The following PLA2G4A variants were observed in gnomAD, a reference collection of about 807,000 sequenced individuals.
PLA2G4A encodes the protein cytosolic phospholipase A2.
A neutral mutation model predicts 81.9 loss-of-function variants in PLA2G4A; 40 were observed. The ratio of observed to expected loss-of-function variants is 0.49; its 90% CI spans 0.38 to 0.64. The LOEUF (loss-of-function observed/expected upper bound fraction) is 0.64. PLA2G4A is among the 30% of genes least tolerant of loss of function. The pLI is 0.00. For missense variants in PLA2G4A, 715 were observed against 905.1 expected (o/e 0.79, Z 2.69); for synonymous variants, 302 against 296.9 (o/e 1.02, Z -0.18).
chr1:186,951,071 C>T (rs889168258), intron 13 of PLA2G4A, among the ~76,000 whole-genome samples: 46 of 152,148 alleles, frequency 3.0e-4, no homozygotes, highest in African/African-American at 1.0e-3. Flanking sequence ...TTTTAGATGG[C>T]TTTAAAAATT....
chr1:186,832,127 T>C (rs540305003), intron 1 of PLA2G4A, among the ~76,000 whole-genome samples: 1 of 152,120 alleles, frequency 6.6e-6, no homozygotes, highest in South Asian at 2.1e-4. Context: ...TATATCTTGT[T>C]GGATATTTAG....
intron 2 of PLA2G4A, among the ~76,000 whole-genome samples, chr1:186,863,891 G>C (rs1009661644): frequency 1.3e-5 from 2 of 151,836 alleles, no homozygotes; most frequent in African/African-American, 4.8e-5. Flanking sequence ...CTCCTGAGAA[G>C]CTGGGATTAC....
intron 7 of PLA2G4A, among the ~76,000 whole-genome samples, chr1:186,920,056 G>A (rs905364427): frequency 6.6e-6 from 1 of 152,186 alleles, no homozygotes; most frequent in South Asian, 2.1e-4. Context: ...TTGGTTGACC[G>A]CCAGTCCCGG....
intron 3 of PLA2G4A, among the ~76,000 whole-genome samples, chr1:186,887,232 C>T (rs562355117): frequency 9.2e-5 from 14 of 151,942 alleles, no homozygotes; most frequent in African/African-American, 3.4e-4. Flanking sequence ...TACTTGTAAT[C>T]TGTTTTTCAA....
chr1:186,837,376 A>G (rs1651814154), intron 1 of PLA2G4A, among the ~76,000 whole-genome samples: 1 of 152,072 alleles, frequency 6.6e-6, no homozygotes, highest in African/African-American at 2.4e-5. Context: ...TAGCAGGGAA[A>G]AGGAATATGG....
chr1:186,930,371 T>C (rs10911959), intron 7 of PLA2G4A, among the ~76,000 whole-genome samples: 46,422 of 152,038 alleles, frequency 0.31, 9,631 homozygotes, highest in African/African-American at 0.58. Flanking sequence ...ATATGAATTC[T>C]AGTTTAATAG....
chr1:186,956,698 G>A (rs538321942), intron 14 of PLA2G4A, among the ~76,000 whole-genome samples: 181 of 152,122 alleles, frequency 1.2e-3, no homozygotes, highest in Non-Finnish European at 1.8e-3. Context: ...AGTTTTTGTA[G>A]AGACAGGTTT....
chr1:186,858,918 C>CGTGTGT (rs142558787), intron 2 of PLA2G4A, among the ~76,000 whole-genome samples: 24 of 147,776 alleles, frequency 1.6e-4, no homozygotes, highest in Non-Finnish European at 1.1e-4. Context: ...TGGGTGTGTG[C>CGTGTGT]GTGTGTGTGT....
At chr1:186,860,753 T>G (rs556765888) in intron 2 of PLA2G4A, among the ~76,000 whole-genome samples, 1 of 152,298 alleles carries the variant, frequency 6.6e-6, no homozygotes, top group Admixed American at 6.5e-5. Flanking sequence ...TAATTCAAAG[T>G]AATGTCCATG....
intron 1 of PLA2G4A, among the ~76,000 whole-genome samples, chr1:186,836,961 C>T (rs982245552): frequency 6.6e-6 from 1 of 152,074 alleles, no homozygotes; most frequent in African/African-American, 2.4e-5. Flanking sequence ...AAGCCATCTA[C>T]GGGAGGCGGT....
intron 16 of PLA2G4A, among the ~76,000 whole-genome samples, chr1:186,978,214 A>C (rs1181816850): frequency 6.6e-6 from 1 of 152,188 alleles, no homozygotes; most frequent in Non-Finnish European, 1.5e-5. Context: ...TCAGTTTGCC[A>C]TGTTGTATTT....
At chr1:186,982,065 G>A (rs996493928) in intron 17 of PLA2G4A, among the ~76,000 whole-genome samples, 3 of 152,210 alleles carry the variant, frequency 2.0e-5, no homozygotes, top group Non-Finnish European at 4.4e-5. Context: ...CAGATAGACT[G>A]TAGATCTGAG....
intron 2 of PLA2G4A, among the ~76,000 whole-genome samples, chr1:186,867,267 G>A (rs1274830965): frequency 2.0e-5 from 3 of 151,986 alleles, no homozygotes. Flanking sequence ...TTGGGTCTTT[G>A]TTGAATCTAT....
intron 2 of PLA2G4A, among the ~76,000 whole-genome samples, chr1:186,866,642 A>G (rs971161190): frequency 2.0e-5 from 3 of 152,166 alleles, no homozygotes; most frequent in African/African-American, 7.2e-5. Context: ...TCAAAAATCA[A>G]ATATTAAATA....
intron 2 of PLA2G4A, among the ~76,000 whole-genome samples, chr1:186,862,221 A>T (rs1350392833): frequency 3.7e-5 from 1 of 26,836 alleles, no homozygotes. Flanking sequence ...TTTAGTTATG[A>T]ACTTTTTTTT....
chr1:186,928,910 C>T (rs900221295), intron 7 of PLA2G4A, among the ~76,000 whole-genome samples: 2 of 152,096 alleles, frequency 1.3e-5, no homozygotes, highest in Non-Finnish European at 2.9e-5. Context: ...AAATATAACC[C>T]CAGACCTTCT....
chr1:186,957,295 TC>T (rs1656786711), intron 14 of PLA2G4A, among the ~76,000 whole-genome samples: 1 of 151,978 alleles, frequency 6.6e-6, no homozygotes, highest in South Asian at 2.1e-4. Flanking sequence ...ATAAAATCGT[TC>T]CAAACTTTCA....
At chr1:186,861,878 C>T (rs989215461) in intron 2 of PLA2G4A, among the ~76,000 whole-genome samples, 1 of 151,888 alleles carries the variant, frequency 6.6e-6, no homozygotes, top group Non-Finnish European at 1.5e-5. Context: ...GGAAGGACTC[C>T]TCCCCATTGA....
At chr1:186,904,361 A>ATTT (rs1363637802) in intron 5 of PLA2G4A, among the ~76,000 whole-genome samples, 3 of 152,220 alleles carry the variant, frequency 2.0e-5, no homozygotes, top group Non-Finnish European at 4.4e-5. Context: ...GGAAGCCTGT[A>ATTT]ATGCAGAGAT....
Sources: allele counts gnomAD v4.1 joint callset (sites outside exome capture counted in the v4.1 genomes callset), GRCh38; gene constraint gnomAD v4.1.1; transcripts MANE v1.5; gene names NCBI Gene and HGNC (gene_info 2026-07-23, HGNC 2026-07-21).